The following DDHD1 variants were observed in gnomAD, a reference collection of about 807,000 sequenced individuals.
The protein encoded by DDHD1 is DDHD domain containing 1.
DDHD1 carries 49 observed loss-of-function variants against 96.4 expected under a neutral mutation model. The ratio of observed to expected loss-of-function variants is 0.51; its 90% CI spans 0.40 to 0.64. DDHD1 has a LOEUF of 0.64. Ranked by LOEUF, DDHD1 falls within the 30% of genes least tolerant of loss-of-function variation. DDHD1 has a pLI of 0.00. For missense variants in DDHD1, 1,106 were observed against 1,161.2 expected (o/e 0.95, Z 0.69); for synonymous variants, 442 against 446.5 (o/e 0.99, Z 0.13).
At chr14:53,120,313 G>A (rs1453819785) in intron 1 of DDHD1, among the ~76,000 whole-genome samples, 2 of 152,018 alleles carry the variant, frequency 1.3e-5, no homozygotes, top group South Asian at 2.1e-4. Flanking sequence ...ACAAATAAAT[G>A]GAAAAAAATT....
intron 6 of DDHD1, among the ~76,000 whole-genome samples, chr14:53,067,660 T>A (rs2139891873): frequency 6.6e-6 from 1 of 152,100 alleles, no homozygotes; most frequent in East Asian, 1.9e-4. Context: ...TTTCTCCACG[T>A]TGGTTAGGCT....
chr14:53,107,180 T>C (rs1374321751), intron 1 of DDHD1, among the ~76,000 whole-genome samples: 1 of 152,220 alleles, frequency 6.6e-6, no homozygotes, highest in Non-Finnish European at 1.5e-5. Flanking sequence ...ATATTTATGA[T>C]AAAGCTTACT....
At chr14:53,113,677 A>T (rs898303331) in intron 1 of DDHD1, among the ~76,000 whole-genome samples, 1 of 152,142 alleles carries the variant, frequency 6.6e-6, no homozygotes, top group African/African-American at 2.4e-5. Flanking sequence ...GGAAGCCATG[A>T]GGGACTGTGC....
intron 1 of DDHD1, among the ~76,000 whole-genome samples, chr14:53,136,485 TAGAA>T (rs1423327282): frequency 6.6e-6 from 1 of 152,160 alleles, no homozygotes; most frequent in Non-Finnish European, 1.5e-5. Flanking sequence ...TTTGGCACTG[TAGAA>T]AGACAGTGCC....
In DDHD1 at chr14:53,073,828, T is replaced by C; in HGVS notation, c.1309A>G (p.Lys437Glu). Reference sequence around the variant, plus strand: ...TTGGAAAAATGCCTTTCTTCTATTTTTCTTGCAGCTTCTCTCATCCTAAAA... The same window carrying C: ...TTGGAAAAATGCCTTTCTTCTATTTCTCTTGCAGCTTCTCTCATCCTAAAA... Reference protein sequence around the residue: ...NTAMMREAARKIEERHFSNHA... With the variant: ...NTAMMREAAREIEERHFSNHA... The change falls in exon 5 of 13, where the codon AAA (lysine) becomes GAA (glutamate). Residue 437 changes from lysine (K) to glutamate (E), a missense_variant. This residue lies in a region of DDHD1 where 650 missense variants were observed against 758.8 expected (regional missense o/e 0.86). Coordinates refer to ENST00000673822, the MANE Select transcript of DDHD1 (RefSeq NM_001160148.2). 6.2e-7 allele frequency: 1 copy of C among 1,610,868 alleles called. No homozygotes were observed. The highest frequency in any genetic ancestry group is 8.5e-7 in the Non-Finnish European group (1 of 1,178,172).
At position 53,039,025 on chromosome 14, in the gene DDHD1, AG is replaced by A. The variant is rs1881460273; in HGVS notation, c.*7742del. ...CATTATCTTCAAAGACAACTTCATT[AG>A]GAATGTGGAGGTAATTTTTTGTCAA... On this transcript the variant is annotated 3_prime_UTR_variant, in exon 13 of 13. Transcript: ENST00000673822. The A allele has an allele frequency of 6.6e-6, 1 of 152,230 alleles. No individual in the cohort carries two copies. Among genetic ancestry groups the A allele is most frequent in the Non-Finnish European group, 1.5e-5 (1 of 68,040 alleles). 9.4% of individuals were successfully genotyped at this position (152,230 alleles called of 1,614,324 possible). A position where few individuals can be genotyped will look rare whatever the true frequency, so the allele number is the denominator to read the frequency against.
rs2139792933 is a variant in DDHD1 at position 53,043,201 on chromosome 14, T to C, written c.*3567A>G. ...CAGACTAGGATGCTTCAGCTCCCAATGAGAAAACAGAGAAAAAAGAGACTA... is the reference window on the plus strand; with the variant it reads ...CAGACTAGGATGCTTCAGCTCCCAACGAGAAAACAGAGAAAAAAGAGACTA... On this transcript the variant is annotated 3_prime_UTR_variant, in exon 13 of 13. Transcript: ENST00000673822. 6.6e-6 allele frequency: 1 copy of C among 152,264 alleles called. No individual in the cohort carries two copies. Among genetic ancestry groups the C allele is most frequent in the South Asian group, 2.1e-4 (1 of 4,814 alleles). The allele number at this position is 152,264 out of a possible 1,614,324, so 9.4% of individuals were successfully genotyped here.
intron 4 of DDHD1, among the ~76,000 whole-genome samples, chr14:53,085,200 A>G (rs1885839477): frequency 6.6e-6 from 1 of 152,230 alleles, no homozygotes; most frequent in Non-Finnish European, 1.5e-5. Context: ...GGCAGGGCAT[A>G]GCTGAACAAA....
intron 1 of DDHD1, 137 bp downstream of exon 1, chr14:53,152,124 A>G: frequency 1.4e-4 from 117 of 842,378 alleles, no homozygotes; most frequent in Admixed American, 5.5e-4. Context: ...CTCCCTGCTC[A>G]ATCTCCATCC....
At chr14:53,087,889 C>T (rs931057299) in intron 4 of DDHD1, among the ~76,000 whole-genome samples, 4 of 151,808 alleles carry the variant, frequency 2.6e-5, no homozygotes, top group African/African-American at 9.7e-5. Context: ...TTTTTTGAAA[C>T]AATCAACAAA....
intron 3 of DDHD1, chr14:53,092,342 A>C (rs1886498641): frequency 6.5e-6 from 1 of 153,060 alleles, no homozygotes; most frequent in Admixed American, 6.5e-5. Context: ...AAATAAGTTA[A>C]AGTTATGGAA....
chr14:53,115,487 G>A (rs1322404317), intron 1 of DDHD1, among the ~76,000 whole-genome samples: 3 of 152,180 alleles, frequency 2.0e-5, no homozygotes, highest in African/African-American at 7.2e-5. Flanking sequence ...GAAAGGTCAG[G>A]TTATCTACAA....
In DDHD1 at chr14:53,041,759, G is replaced by A. The variant is rs1388677692; in HGVS notation, c.*5009C>T. 1 of 152,114 alleles carries A rather than the reference G, an allele frequency of 6.6e-6. No individual in the cohort carries two copies. The highest frequency in any genetic ancestry group is 1.9e-4 in the East Asian group (1 of 5,194). The allele number at this position is 152,114 out of a possible 1,614,324, so 9.4% of individuals were successfully genotyped here. Reference sequence around the variant, plus strand: ...AACGGAAGTCTGTCCAGACCTGATAGGGTACTCTTATGAGAGTCTGGAAGA... The same window carrying A: ...AACGGAAGTCTGTCCAGACCTGATAAGGTACTCTTATGAGAGTCTGGAAGA... On this transcript the variant is annotated 3_prime_UTR_variant, in exon 13 of 13. Transcript: ENST00000673822.
chr14:53,055,047 TA>T (rs1393687244), intron 10 of DDHD1, among the ~76,000 whole-genome samples: 1 of 152,218 alleles, frequency 6.6e-6, no homozygotes, highest in Non-Finnish European at 1.5e-5. Context: ...CATGAGAAAG[TA>T]AAACAGCCAA....
At chr14:53,093,245 G>A (rs1886587887) in intron 3 of DDHD1, 71 bp downstream of exon 3, 3 of 1,457,452 alleles carry the variant, frequency 2.1e-6, no homozygotes, top group East Asian at 2.4e-5. Context: ...AATATGAATT[G>A]TCTATTTTGA....
chr14:53,059,550 C>G (rs1184834335), intron 8 of DDHD1, among the ~76,000 whole-genome samples: 2 of 149,956 alleles, frequency 1.3e-5, no homozygotes, highest in Non-Finnish European at 3.0e-5. Flanking sequence ...CAGCCATAAC[C>G]TGGTTTATTT....
chr14:53,074,961 T>C (rs10150255), intron 4 of DDHD1, among the ~76,000 whole-genome samples: 120,113 of 152,010 alleles, frequency 0.79, 48,343 homozygotes, highest in East Asian at 0.98. Flanking sequence ...TAACTGCACC[T>C]GTATAAGATG....
chr14:53,135,491 A>T (rs1323923412), intron 1 of DDHD1, among the ~76,000 whole-genome samples: 1 of 152,212 alleles, frequency 6.6e-6, no homozygotes, highest in African/African-American at 2.4e-5. Flanking sequence ...AGGTGAAATA[A>T]ACAGCCTTGT....
intron 2 of DDHD1, among the ~76,000 whole-genome samples, chr14:53,102,471 C>T (rs1316865536): frequency 6.6e-6 from 1 of 151,984 alleles, no homozygotes; most frequent in African/African-American, 2.4e-5. Context: ...AGTATGGTAT[C>T]TGGCACATAA....
Sources: allele counts gnomAD v4.1 joint callset (sites outside exome capture counted in the v4.1 genomes callset), GRCh38; gene constraint gnomAD v4.1.1; regional missense constraint gnomAD v4.1.1; transcripts MANE v1.5; gene names NCBI Gene and HGNC (gene_info 2026-07-23, HGNC 2026-07-21).